The following CLYBL variants were observed in gnomAD, a reference collection of about 807,000 sequenced individuals.
CLYBL encodes citramalyl-CoA lyase.
In CLYBL, 31 loss-of-function variants were observed where a neutral mutation model predicts 38.9. The ratio of observed to expected loss-of-function variants is 0.80; its 90% CI spans 0.60 to 1.08. CLYBL has a LOEUF of 1.08. CLYBL is among the 50% of genes least tolerant of loss of function. The pLI, the probability that CLYBL is intolerant of heterozygous loss-of-function variation, is 0.00. For missense variants in CLYBL, 434 were observed against 411.6 expected (o/e 1.05, Z -0.47); for synonymous variants, 171 against 158.6 (o/e 1.08, Z -0.59).
intron 1 of CLYBL, among the ~76,000 whole-genome samples, chr13:99,694,566 C>T (rs1350165107): frequency 6.6e-6 from 1 of 152,200 alleles, no homozygotes; most frequent in Admixed American, 6.5e-5. Flanking sequence ...TCCATTCCGG[C>T]TCACACATAC....
intron 1 of CLYBL, among the ~76,000 whole-genome samples, chr13:99,718,156 G>A (rs940443312): frequency 9.2e-5 from 14 of 152,076 alleles, no homozygotes; most frequent in African/African-American, 2.4e-4. Context: ...TGAAACTATA[G>A]GCATTAGCTA....
At chr13:99,664,872 A>G (rs957511712) in intron 1 of CLYBL, among the ~76,000 whole-genome samples, 2 of 152,096 alleles carry the variant, frequency 1.3e-5, no homozygotes, top group Non-Finnish European at 2.9e-5. Flanking sequence ...TCTTGTTTTT[A>G]TGATTGCTTA....
chr13:99,737,918 GAGTTACATTTAT>G (rs2048693701), intron 1 of CLYBL, among the ~76,000 whole-genome samples: 1 of 152,004 alleles, frequency 6.6e-6, no homozygotes, highest in Non-Finnish European at 1.5e-5. Context: ...AATTACATAC[GAGTTACATTTAT>G]TGAGTACCAC....
In CLYBL at chr13:99,785,375, ATTTTTT is replaced by A. The variant is rs1391703737; in HGVS notation, c.249+12367_249+12372del. ...AGGTGTGTGCCACTGTGCCTGGCTA[ATTTTTT>A]TATTTTTATTTTGTAGAGATGGGGG... On this transcript the variant is annotated intron_variant, in intron 2 of 8. Coordinates refer to ENST00000339105, the MANE Select transcript of CLYBL (RefSeq NM_206808.5). 9.3e-4 allele frequency among the ~76,000 whole-genome samples: 140 copies of A among 150,288 alleles called. 1 individual carries two copies. Among genetic ancestry groups the A allele is most frequent in the African/African-American group, 3.3e-3 (136 of 40,952 alleles).
At chr13:99,705,988 A>G (rs1234921731) in intron 1 of CLYBL, among the ~76,000 whole-genome samples, 5 of 151,562 alleles carry the variant, frequency 3.3e-5, no homozygotes, top group African/African-American at 9.7e-5. Flanking sequence ...CTGGAGTGCA[A>G]TGGCATGATC....
At chr13:99,648,910 A>G (rs1182168981) in intron 1 of CLYBL, among the ~76,000 whole-genome samples, 2 of 152,060 alleles carry the variant, frequency 1.3e-5, no homozygotes, top group Non-Finnish European at 1.5e-5. Flanking sequence ...ATAAGGATAT[A>G]TATATTTTTA....
At chr13:99,859,548 A>T (rs544335073) in intron 3 of CLYBL, among the ~76,000 whole-genome samples, 17 of 152,364 alleles carry the variant, frequency 1.1e-4, no homozygotes, top group African/African-American at 4.1e-4. Flanking sequence ...TGGAGGAATG[A>T]ACAGGAAGCT....
chr13:99,649,690 C>A (rs76961319), intron 1 of CLYBL, among the ~76,000 whole-genome samples: 1 of 151,830 alleles, frequency 6.6e-6, no homozygotes, highest in Non-Finnish European at 1.5e-5. Flanking sequence ...CAGAGCGAAA[C>A]CCCATCTCTA....
At chr13:99,905,171 G>C (rs950653556) in intron 8 of CLYBL, among the ~76,000 whole-genome samples, 1 of 152,170 alleles carries the variant, frequency 6.6e-6, no homozygotes, top group Non-Finnish European at 1.5e-5. Context: ...TATCTGCCTT[G>C]GGCTAAAAGA....
chr13:99,770,792 G>A (rs1365829749), intron 1 of CLYBL, among the ~76,000 whole-genome samples: 9 of 151,824 alleles, frequency 5.9e-5, no homozygotes, highest in Non-Finnish European at 1.2e-4. Flanking sequence ...TGCGATCTCC[G>A]CTCACTGCAA....
intron 1 of CLYBL, among the ~76,000 whole-genome samples, chr13:99,765,808 G>T (rs1237335843): frequency 4.0e-5 from 6 of 150,070 alleles, no homozygotes; most frequent in African/African-American, 1.5e-4. Context: ...GCCTTCCAAA[G>T]TACGGGGATT....
intron 3 of CLYBL, among the ~76,000 whole-genome samples, chr13:99,861,473 A>C (rs935517782): frequency 6.6e-6 from 1 of 152,220 alleles, no homozygotes; most frequent in Non-Finnish European, 1.5e-5. Flanking sequence ...TTTTAACACC[A>C]AAACCACTAA....
At chr13:99,720,727 T>A (rs1443861631) in intron 1 of CLYBL, among the ~76,000 whole-genome samples, 1 of 152,232 alleles carries the variant, frequency 6.6e-6, no homozygotes, top group Non-Finnish European at 1.5e-5. Flanking sequence ...CATTCTGCTG[T>A]GAAGAAAAAT....
intron 8 of CLYBL, chr13:99,892,076 T>G (rs1594250960): frequency 6.6e-6 from 1 of 152,316 alleles, no homozygotes; most frequent in Admixed American, 6.5e-5. Flanking sequence ...GTGAATGCTG[T>G]GAGTCAACCA....
At chr13:99,755,913 G>A (rs1332106561) in intron 1 of CLYBL, among the ~76,000 whole-genome samples, 1 of 152,172 alleles carries the variant, frequency 6.6e-6, no homozygotes, top group African/African-American at 2.4e-5. Flanking sequence ...TGTCTTGCCC[G>A]TGACAAGGAC....
chr13:99,818,446 AAC>A (rs57249330), intron 2 of CLYBL, among the ~76,000 whole-genome samples: 7,001 of 143,020 alleles, frequency 0.049, 184 homozygotes, highest in Middle Eastern at 0.079. Context: ...TGGAGCAGAA[AAC>A]ACACACACAC....
chr13:99,733,670 C>T (rs547270502), intron 1 of CLYBL, among the ~76,000 whole-genome samples: 2 of 152,332 alleles, frequency 1.3e-5, no homozygotes, highest in East Asian at 3.9e-4. Context: ...CTCCTCTGGA[C>T]ACTTATAAAA....
intron 2 of CLYBL, among the ~76,000 whole-genome samples, chr13:99,784,970 C>T (rs1455849699): frequency 4.6e-5 from 7 of 151,584 alleles, no homozygotes; most frequent in East Asian, 2.0e-4. Flanking sequence ...CTGCTCACTG[C>T]GACCTCCGCC....
chr13:99,804,237 T>C (rs2806305), intron 2 of CLYBL, among the ~76,000 whole-genome samples: 6,626 of 152,324 alleles, frequency 0.043, 506 homozygotes, highest in African/African-American at 0.15. Flanking sequence ...CAGGAAGTCC[T>C]GCTGCAGGAG....
Sources: gnomAD v4.1 joint callset for allele counts (sites outside exome capture counted in the v4.1 genomes callset) on GRCh38, gnomAD v4.1.1 for gene constraint, MANE v1.5 for transcripts, NCBI Gene and HGNC (gene_info 2026-07-23, HGNC 2026-07-21) for gene names.